Variants in B4GALT6 observed in about 807,000 individuals in gnomAD.
B4GALT6 encodes beta-1,4-galactosyltransferase 6, also known as UDP-Gal:beta-GlcNAc beta-1,4-galactosyltransferase 6.
A neutral mutation model predicts 46.3 loss-of-function variants in B4GALT6; 14 were observed. The observed-to-expected ratio is 0.30, with a 90% CI of 0.20 to 0.47. The LOEUF is 0.47. Among genes scored for constraint, B4GALT6 ranks in the 20% least tolerant of loss-of-function variants. The pLI, the probability that B4GALT6 is intolerant of heterozygous loss-of-function variation, is 0.99. For missense variants in B4GALT6, 386 were observed against 480.1 expected, an observed-to-expected ratio of 0.80 and a Z score of 1.83; for synonymous variants, 168 against 162.0, an observed-to-expected ratio of 1.04 and a Z score of -0.28.
At chr18:31,697,987 T>C in the B4GALT6 span, among the ~76,000 whole-genome samples, 3 of 152,234 alleles carry the variant, frequency 2.0e-5, no homozygotes, top group Admixed American at 2.0e-4. Flanking sequence ...AGTGTTATGA[T>C]GTCTTTCTTA....
chr18:31,643,164 A>G (rs570147334), intron 4 of B4GALT6, among the ~76,000 whole-genome samples: 10 of 152,360 alleles, frequency 6.6e-5, no homozygotes, highest in Admixed American at 5.9e-4. Context: ...TATAATATTT[A>G]TATGAGTACA....
chr18:31,684,652 G>C (rs2074522694), upstream of B4GALT6: 14 of 1,179,858 alleles, frequency 1.2e-5, no homozygotes, highest in South Asian at 1.0e-4. Context: ...GGAGGCCGAG[G>C]GACAAGAGGT....
At chr18:31,637,976 T>C (rs905118991) in intron 5 of B4GALT6, among the ~76,000 whole-genome samples, 1 of 152,116 alleles carries the variant, frequency 6.6e-6, no homozygotes, top group Non-Finnish European at 1.5e-5. Context: ...AAAATAAACA[T>C]CATAAGCCTA....
At chr18:31,668,960 G>A (rs563042449) in intron 1 of B4GALT6, among the ~76,000 whole-genome samples, 7 of 151,268 alleles carry the variant, frequency 4.6e-5, no homozygotes, top group African/African-American at 9.7e-5. Context: ...ACAGTGAGCC[G>A]AGCCAGGACT....
At chr18:31,643,539 T>C (rs1053438559) in intron 4 of B4GALT6, among the ~76,000 whole-genome samples, 1 of 152,144 alleles carries the variant, frequency 6.6e-6, no homozygotes, top group South Asian at 2.1e-4. Flanking sequence ...CCTCAAGTGA[T>C]CTGCCCACCT....
rs538080930 is a variant in B4GALT6, at chr18:31,634,699, T to A, written c.589-3553A>T. ...TATTTAACTAGAATTCCTGAGCTGC[T>A]CTTCAACTGCTTAGCACTCCCTGGG... On this transcript the variant is annotated intron_variant, in intron 5 of 8. Transcript: ENST00000306851. 7.9e-5 allele frequency among the ~76,000 whole-genome samples: 12 copies of A among 152,346 alleles called. No homozygotes were observed. The East Asian group carries it at 1.7e-3, about 22-fold the overall frequency.
At chr18:31,668,158 A>G (rs1254152745) in intron 1 of B4GALT6, among the ~76,000 whole-genome samples, 3 of 152,160 alleles carry the variant, frequency 2.0e-5, no homozygotes, top group African/African-American at 7.2e-5. Flanking sequence ...TATGCTTTGC[A>G]ACAACATGGA....
the B4GALT6 span, among the ~76,000 whole-genome samples, chr18:31,713,728 A>C: frequency 6.6e-6 from 1 of 152,200 alleles, no homozygotes; most frequent in African/African-American, 2.4e-5. Context: ...GATGAAACCG[A>C]ATTTTTTTCA....
intron 6 of B4GALT6, among the ~76,000 whole-genome samples, chr18:31,628,187 C>G (rs958846153): frequency 6.6e-6 from 1 of 152,178 alleles, no homozygotes; most frequent in Admixed American, 6.5e-5. Flanking sequence ...AAGATGGTAA[C>G]AGCAACACTG....
At chr18:31,700,468 T>TGAGAGA in the B4GALT6 span, among the ~76,000 whole-genome samples, 5 of 148,278 alleles carry the variant, frequency 3.4e-5, no homozygotes, top group Non-Finnish European at 5.9e-5. Flanking sequence ...TGTGTGTGTG[T>TGAGAGA]GAGAGAGAGA....
chr18:31,656,480 G>GT (rs1029630188), intron 3 of B4GALT6, among the ~76,000 whole-genome samples: 5 of 151,500 alleles, frequency 3.3e-5, no homozygotes, highest in African/African-American at 9.7e-5. Context: ...ACAGTATAGT[G>GT]TTTTTTTTAA....
chr18:31,623,814 T>C lies in B4GALT6; in HGVS notation c.*1800A>G, dbSNP rs1255041612. The C allele has an allele frequency of 6.6e-6, 1 of 152,012 alleles. No homozygotes were observed. The highest frequency in any genetic ancestry group is 1.5e-5 in the Non-Finnish European group (1 of 67,854). The allele number at this position is 152,012 out of a possible 1,614,324, so 9.4% of individuals were successfully genotyped here. A position where few individuals can be genotyped will look rare whatever the true frequency, so the allele number is the denominator to read the frequency against. ...ATTTAGTTTGTGGTCATTTGTGTTA[T>C]CAATATTGCCATAAAAATGACACTT... On this transcript the variant is annotated 3_prime_UTR_variant, in exon 9 of 9. Coordinates refer to ENST00000306851, the MANE Select transcript of B4GALT6 (RefSeq NM_004775.5).
the B4GALT6 span, among the ~76,000 whole-genome samples, chr18:31,693,058 C>T: frequency 5.9e-5 from 9 of 152,222 alleles, no homozygotes; most frequent in Non-Finnish European, 1.0e-4. Context: ...TTATTCTCTG[C>T]TTCCTCAAAT....
Position 31,625,767 on chromosome 18 carries a change from G to C in B4GALT6, c.1002-6C>G. On this transcript the variant is annotated splice_polypyrimidine_tract_variant and splice_region_variant and intron_variant, in intron 8 of 8. Coordinates refer to ENST00000306851, the MANE Select transcript of B4GALT6 (RefSeq NM_004775.5). ...AATACCTTAGTAATTTATACCTATA[G>C]TTTTAGAGGAAAAAACAAAAAAGCA... 6.4e-7 allele frequency: 1 copy of C among 1,566,334 alleles called. No homozygotes were observed. The highest frequency in any genetic ancestry group is 8.6e-7 in the Non-Finnish European group (1 of 1,163,766).
intron 2 of B4GALT6, among the ~76,000 whole-genome samples, chr18:31,660,793 T>C (rs1598908624): frequency 1.3e-5 from 2 of 152,058 alleles, no homozygotes; most frequent in South Asian, 2.1e-4. Context: ...AAGGGTAAGA[T>C]ATTCCATACT....
intron 3 of B4GALT6, among the ~76,000 whole-genome samples, chr18:31,653,286 CG>C (rs2074097376): frequency 6.6e-6 from 1 of 151,954 alleles, no homozygotes. Flanking sequence ...CTCTCCAGTC[CG>C]GGAATACACA....
At chr18:31,681,860 A>G (rs2074483657) in intron 1 of B4GALT6, among the ~76,000 whole-genome samples, 1 of 152,218 alleles carries the variant, frequency 6.6e-6, no homozygotes, top group Admixed American at 6.5e-5. Context: ...AAGTACTTAC[A>G]ACATACATTT....
intron 5 of B4GALT6, among the ~76,000 whole-genome samples, chr18:31,633,109 T>C (rs1351698759): frequency 6.6e-6 from 1 of 152,154 alleles, no homozygotes; most frequent in Non-Finnish European, 1.5e-5. Flanking sequence ...ATTTGTCAAT[T>C]TGGCTGGGTA....
chr18:31,684,836 C>T, upstream of B4GALT6: 1 of 914,244 alleles, frequency 1.1e-6, no homozygotes, highest in Non-Finnish European at 1.3e-6. Flanking sequence ...GGGCAGCTAA[C>T]TGCAGCACGC....
Sources: gnomAD v4.1 joint callset for allele counts (sites outside exome capture counted in the v4.1 genomes callset) on GRCh38, gnomAD v4.1.1 for gene constraint, MANE v1.5 for transcripts, NCBI Gene and HGNC (gene_info 2026-07-23, HGNC 2026-07-21) for gene names.